Variants in ADAMTSL1 observed in about 807,000 individuals in gnomAD.
ADAMTSL1 encodes the protein ADAMTS-like protein 1.
ADAMTSL1 carries 126 observed loss-of-function variants against 201.8 expected under a neutral mutation model. That is an observed-to-expected ratio of 0.62 (90% CI 0.54 to 0.72). The LOEUF is 0.72. Ranked by LOEUF, ADAMTSL1 falls within the 30% of genes least tolerant of loss-of-function variation. The pLI is 0.00. For synonymous variants in ADAMTSL1, 1,121 were observed against 903.4 expected (o/e 1.24, Z -4.32); for missense variants, 2,679 against 2,277.8 (o/e 1.18, Z -3.59).
At chr9:18,202,514 A>T (rs1010600021) in intron 2 of ADAMTSL1, among the ~76,000 whole-genome samples, 4 of 152,186 alleles carry the variant, frequency 2.6e-5, no homozygotes, top group Non-Finnish European at 4.4e-5. Flanking sequence ...TTTATTACTT[A>T]AAGACTCTCT....
At chr9:18,715,575 G>C (rs979561775) in intron 14 of ADAMTSL1, among the ~76,000 whole-genome samples, 15,570 of 151,660 alleles carry the variant, frequency 0.1, 1,009 homozygotes, top group Middle Eastern at 0.16. Flanking sequence ...CACTACTCAA[G>C]GAAATAAAAG....
At chr9:18,460,412 C>A (rs1481333407) in intron 2 of ADAMTSL1, among the ~76,000 whole-genome samples, 1 of 152,082 alleles carries the variant, frequency 6.6e-6, no homozygotes, top group African/African-American at 2.4e-5. Context: ...ACTTCTTCAG[C>A]CCTAACCAAG....
intron 2 of ADAMTSL1, among the ~76,000 whole-genome samples, chr9:18,243,773 C>G (rs1408922465): frequency 3.3e-5 from 5 of 152,098 alleles, no homozygotes; most frequent in African/African-American, 4.8e-5. Flanking sequence ...TACCCCAAGG[C>G]TTCCTGATAT....
Position 18,908,516 on chromosome 9 carries a change from T to C in ADAMTSL1, c.5257T>C (p.Ser1753Pro). Residue 1753 changes from serine to proline, a missense_variant, in exon 29 of 29, where the codon TCT becomes CCT. Physicochemically the swap from Ser to Pro is moderately conservative, Grantham distance 74. Transcript: ENST00000380548. ...LKLCQLSQFK[S>P]RCCGTCGKA Reference sequence around the variant, plus strand: ...ACTCTGCCAACTCAGCCAGTTTAAATCTCGCTGCTGTGGAACTTGTGGCAA... The same window carrying C: ...ACTCTGCCAACTCAGCCAGTTTAAACCTCGCTGCTGTGGAACTTGTGGCAA... The C allele has an allele frequency of 6.4e-7, 1 of 1,563,240 alleles. No individual in the cohort carries two copies. The highest frequency in any genetic ancestry group is 8.7e-7 in the Non-Finnish European group (1 of 1,153,784).
chr9:18,195,989 C>A (rs890370181), intron 2 of ADAMTSL1, among the ~76,000 whole-genome samples: 1 of 152,004 alleles, frequency 6.6e-6, no homozygotes, highest in Non-Finnish European at 1.5e-5. Flanking sequence ...AGAAAAAAAA[C>A]AATTCATACA....
intron 23 of ADAMTSL1, among the ~76,000 whole-genome samples, chr9:18,863,435 G>C (rs1246974228): frequency 6.6e-6 from 1 of 152,192 alleles, no homozygotes; most frequent in Non-Finnish European, 1.5e-5. Flanking sequence ...GGCTTGGATA[G>C]TTTTATTTTT....
At chr9:18,116,347 A>T (rs1825248495) in intron 1 of ADAMTSL1, among the ~76,000 whole-genome samples, 1 of 152,186 alleles carries the variant, frequency 6.6e-6, no homozygotes, top group Non-Finnish European at 1.5e-5. Context: ...AATGGCTTTC[A>T]CATATGACTT....
At chr9:18,546,641 C>A (rs1389893518) in intron 3 of ADAMTSL1, among the ~76,000 whole-genome samples, 1 of 151,984 alleles carries the variant, frequency 6.6e-6, no homozygotes, top group African/African-American at 2.4e-5. Context: ...TTTTTTCTCC[C>A]ATTAAAATAT....
At chr9:18,499,691 GA>G in intron 1 of ADAMTSL1, among the ~76,000 whole-genome samples, 1 of 152,290 alleles carries the variant, frequency 6.6e-6, no homozygotes, top group East Asian at 1.9e-4. Flanking sequence ...TCTGGAAGTG[GA>G]AAACCAGAGG....
chr9:18,714,473 T>C (rs1217713297), intron 14 of ADAMTSL1, among the ~76,000 whole-genome samples: 21 of 152,042 alleles, frequency 1.4e-4, no homozygotes, highest in Admixed American at 2.6e-4. Context: ...AACACCTCTA[T>C]GCAAATAAAC....
intron 4 of ADAMTSL1, among the ~76,000 whole-genome samples, chr9:18,592,259 CT>C (rs1467111967): frequency 5.9e-5 from 9 of 152,082 alleles, no homozygotes; most frequent in African/African-American, 1.7e-4. Context: ...TTCTTCATTG[CT>C]TGTCATATAA....
chr9:18,417,638 C>A (rs114986393), intron 2 of ADAMTSL1, among the ~76,000 whole-genome samples: 1 of 151,912 alleles, frequency 6.6e-6, no homozygotes. Context: ...ATAGATGGAC[C>A]AATTCCTAGC....
intron 1 of ADAMTSL1, among the ~76,000 whole-genome samples, chr9:18,079,718 TA>T (rs913731269): frequency 8.7e-5 from 13 of 148,792 alleles, no homozygotes; most frequent in African/African-American, 2.7e-4. Context: ...AATAAATAAA[TA>T]AATAAATAAA....
chr9:18,031,928 T>A (rs1330092356), intron 1 of ADAMTSL1, among the ~76,000 whole-genome samples: 1 of 152,122 alleles, frequency 6.6e-6, no homozygotes, highest in Non-Finnish European at 1.5e-5. Context: ...AGTGGTGCCA[T>A]AGATGTGAAA....
chr9:18,078,962 A>G (rs1823351620), intron 1 of ADAMTSL1, among the ~76,000 whole-genome samples: 1 of 152,220 alleles, frequency 6.6e-6, no homozygotes, highest in Non-Finnish European at 1.5e-5. Context: ...CTCCCATATC[A>G]GAGTAGTTTA....
chr9:17,920,158 AACTGTT>A (rs1459720216), intron 1 of ADAMTSL1, among the ~76,000 whole-genome samples: 1 of 152,198 alleles, frequency 6.6e-6, no homozygotes, highest in East Asian at 1.9e-4. Flanking sequence ...TAATTTATGT[AACTGTT>A]ACTCTTTTCC....
At chr9:18,125,670 TGAA>T (rs907558541) in intron 1 of ADAMTSL1, among the ~76,000 whole-genome samples, 1 of 152,220 alleles carries the variant, frequency 6.6e-6, no homozygotes, top group Admixed American at 6.5e-5. Context: ...CCGACTTTGT[TGAA>T]GAAACTATTC....
At chr9:18,661,363 CTA>C (rs1829082043) in intron 8 of ADAMTSL1, among the ~76,000 whole-genome samples, 1 of 152,100 alleles carries the variant, frequency 6.6e-6, no homozygotes, top group Admixed American at 6.6e-5. Flanking sequence ...TTCGTGATGT[CTA>C]CTGTTGGAAT....
chr9:18,142,940 G>C (rs556161464), intron 1 of ADAMTSL1, among the ~76,000 whole-genome samples: 1 of 152,240 alleles, frequency 6.6e-6, no homozygotes, highest in South Asian at 2.1e-4. Context: ...CTTACTTTTG[G>C]TATGGTTTTG....
Sources: allele counts gnomAD v4.1 joint callset (sites outside exome capture counted in the v4.1 genomes callset), GRCh38; gene constraint gnomAD v4.1.1; transcripts MANE v1.5; gene names NCBI Gene and HGNC (gene_info 2026-07-23, HGNC 2026-07-21).